Variants in EPC2 observed in about 807,000 individuals in gnomAD.
The protein encoded by EPC2 is enhancer of polycomb 2.
A neutral mutation model predicts 92.1 loss-of-function variants in EPC2; 14 were observed. That is an observed-to-expected ratio of 0.15 (90% CI 0.10 to 0.24). The LOEUF (loss-of-function observed/expected upper bound fraction) is 0.24. Ranked by LOEUF, EPC2 falls within the 10% of genes least tolerant of loss-of-function variation. EPC2 has a pLI of 1.00. For missense variants in EPC2, 755 were observed against 971.5 expected, an observed-to-expected ratio of 0.78 and a Z score of 2.96; for synonymous variants, 340 against 334.7, an observed-to-expected ratio of 1.02 and a Z score of -0.17.
intron 3 of EPC2, among the ~76,000 whole-genome samples, chr2:148,747,036 A>G (rs1421607220): frequency 6.6e-6 from 1 of 152,214 alleles, no homozygotes; most frequent in African/African-American, 2.4e-5. Context: ...TCTCTAAAAT[A>G]AATAATAAAA....
intron 2 of EPC2, among the ~76,000 whole-genome samples, chr2:148,729,991 G>A (rs1381969300): frequency 6.6e-6 from 1 of 152,134 alleles, no homozygotes; most frequent in Non-Finnish European, 1.5e-5. Flanking sequence ...AAAAGACTAG[G>A]AATAATCTTG....
At chr2:148,722,162 T>C (rs2105391700) in intron 2 of EPC2, among the ~76,000 whole-genome samples, 1 of 152,260 alleles carries the variant, frequency 6.6e-6, no homozygotes, top group Admixed American at 6.5e-5. Flanking sequence ...ATGGTGTGTT[T>C]TGTGGGGTGA....
At position 148,723,143 on chromosome 2, in the gene EPC2, A is replaced by G. The variant is rs558668136; in HGVS notation, c.314-20479A>G. ...CCCATGAGATGCAATTTACCTAATA[A>G]CCTACACATTGAGGCCCTGAACCTA... On this transcript the variant is annotated intron_variant, in intron 2 of 13. Coordinates refer to ENST00000258484, the MANE Select transcript of EPC2 (RefSeq NM_015630.4). Among the ~76,000 whole-genome samples the G allele has an allele frequency of 2.0e-5, 3 of 152,128 alleles. No homozygotes were observed. The South Asian group carries it at 6.2e-4, about 32-fold the overall frequency.
At chr2:148,711,814 G>C (rs1682149284) in intron 2 of EPC2, among the ~76,000 whole-genome samples, 1 of 152,102 alleles carries the variant, frequency 6.6e-6, no homozygotes, top group Admixed American at 6.6e-5. Flanking sequence ...TTGGAGAATT[G>C]ACTCTTATTA....
chr2:148,662,020 A>C (rs1042590770), intron 1 of EPC2, among the ~76,000 whole-genome samples: 2 of 152,206 alleles, frequency 1.3e-5, no homozygotes, highest in African/African-American at 4.8e-5. Flanking sequence ...ATGAACAGAC[A>C]CTTCTCAAAA....
intron 2 of EPC2, among the ~76,000 whole-genome samples, chr2:148,695,404 T>C (rs1354468285): frequency 6.6e-6 from 1 of 152,260 alleles, no homozygotes; most frequent in East Asian, 1.9e-4. Context: ...TGTACACTTC[T>C]GTACAACTTG....
chr2:148,723,054 G>A (rs372535978), intron 2 of EPC2, among the ~76,000 whole-genome samples: 91 of 152,154 alleles, frequency 6.0e-4, no homozygotes, highest in African/African-American at 2.1e-3. Flanking sequence ...GAAAAGGATC[G>A]AAAAACTATC....
At chr2:148,721,890 C>CTTTTTTTTTTTTTTTTTTTTTTTTTTTTT in intron 2 of EPC2, among the ~76,000 whole-genome samples, 2 of 60,764 alleles carry the variant, frequency 3.3e-5, no homozygotes, top group Admixed American at 2.4e-4. Flanking sequence ...GTTTTGATTT[C>CTTTTTTTTTTTTTTTTTTTTTTTTTTTTT]TTTTTTTTTT....
At chr2:148,786,110 T>C (rs901778360) in intron 13 of EPC2, among the ~76,000 whole-genome samples, 195 bp from the exon 14 acceptor site, 6 of 152,160 alleles carry the variant, frequency 3.9e-5, no homozygotes. Context: ...AATAAAAAAA[T>C]TAGGAATTAA....
At position 148,732,055 on chromosome 2, in the gene EPC2, T is replaced by TA. The variant is rs1207255108; in HGVS notation, c.314-11561dup. Among the ~76,000 whole-genome samples, 13 of 152,198 alleles carry TA rather than the reference T, an allele frequency of 8.5e-5. No homozygotes were observed. In the East Asian group the frequency reaches 1.7e-3, roughly 20 times the overall value. On this transcript the variant is annotated intron_variant, in intron 2 of 13. Transcript: ENST00000258484. ...ATTTGCAGTCTTTTGTAACAATTGA[T>TA]AAAAAAGAGTGAATGTCAGTACTAC...
chr2:148,666,108 G>C (rs1015643444), intron 1 of EPC2, among the ~76,000 whole-genome samples: 3 of 152,160 alleles, frequency 2.0e-5, no homozygotes, highest in Non-Finnish European at 4.4e-5. Context: ...CAAATTGTCT[G>C]TGGTGAAAGA....
At chr2:148,702,629 G>A (rs181661137) in intron 2 of EPC2, among the ~76,000 whole-genome samples, 2 of 152,270 alleles carry the variant, frequency 1.3e-5, no homozygotes, top group African/African-American at 4.8e-5. Context: ...CTGTTATATA[G>A]AAGATGACTC....
intron 2 of EPC2, among the ~76,000 whole-genome samples, chr2:148,724,294 A>T (rs1574605770): frequency 6.6e-6 from 1 of 152,042 alleles, no homozygotes; most frequent in African/African-American, 2.4e-5. Context: ...GTACATATTT[A>T]TGGGCTACAT....
At chr2:148,710,166 A>G (rs901430778) in intron 2 of EPC2, among the ~76,000 whole-genome samples, 1 of 152,288 alleles carries the variant, frequency 6.6e-6, no homozygotes. Context: ...AAATCAAACA[A>G]CACCATCAAA....
intron 3 of EPC2, among the ~76,000 whole-genome samples, chr2:148,750,856 T>G (rs937538732): frequency 6.6e-6 from 1 of 152,142 alleles, no homozygotes; most frequent in Non-Finnish European, 1.5e-5. Context: ...GCCATAGATT[T>G]GAAAGAAGTA....
chr2:148,774,407 A>G (rs1489782200), intron 10 of EPC2, among the ~76,000 whole-genome samples: 1 of 151,674 alleles, frequency 6.6e-6, no homozygotes, highest in Non-Finnish European at 1.5e-5. Context: ...CAGGTAGATC[A>G]CTTGAGGCCA....
intron 10 of EPC2, among the ~76,000 whole-genome samples, chr2:148,777,634 G>C (rs1189355764): frequency 2.0e-5 from 3 of 152,158 alleles, no homozygotes; most frequent in Non-Finnish European, 4.4e-5. Flanking sequence ...TGTAAAATCT[G>C]TGGAGGTACC....
intron 1 of EPC2, among the ~76,000 whole-genome samples, chr2:148,678,914 C>T (rs1385959735): frequency 6.6e-6 from 1 of 152,222 alleles, no homozygotes; most frequent in Admixed American, 6.5e-5. Flanking sequence ...CAAGAGCGAG[C>T]GAGGGCTGTG....
At chr2:148,693,663 A>G (rs571876189) in intron 2 of EPC2, among the ~76,000 whole-genome samples, 5 of 152,274 alleles carry the variant, frequency 3.3e-5, no homozygotes, top group African/African-American at 1.2e-4. Context: ...CCCAGAGTGT[A>G]GTCTCAGTAC....
Sources: allele counts gnomAD v4.1 joint callset (sites outside exome capture counted in the v4.1 genomes callset), GRCh38; gene constraint gnomAD v4.1.1; transcripts MANE v1.5; gene names NCBI Gene and HGNC (gene_info 2026-07-23, HGNC 2026-07-21).